MALRD1: variants seen among roughly 807,000 people sequenced by gnomAD.
MALRD1 encodes the protein MAM and LDL receptor class A domain containing 1.
In MALRD1, 247 loss-of-function variants were observed where a neutral mutation model predicts 242.1. The ratio of observed to expected loss-of-function variants is 1.02; its 90% CI spans 0.92 to 1.13. The LOEUF (loss-of-function observed/expected upper bound fraction) is 1.13. Ranked by LOEUF, MALRD1 falls within the 50% of genes most tolerant of loss-of-function variation. MALRD1 has a pLI of 0.00. For synonymous variants in MALRD1, 995 were observed against 866.6 expected, an observed-to-expected ratio of 1.15 and a Z score of -2.60; for missense variants, 2,989 against 2,533.1, an observed-to-expected ratio of 1.18 and a Z score of -3.86.
chr10:19,397,773 A>T (rs1846649788), intron 28 of MALRD1, among the ~76,000 whole-genome samples: 1 of 152,040 alleles, frequency 6.6e-6, no homozygotes, highest in African/African-American at 2.4e-5. Flanking sequence ...GTTGTCTGTG[A>T]ATTTGAGGTC....
At chr10:19,455,474 T>A (rs761137466) in intron 29 of MALRD1, among the ~76,000 whole-genome samples, 1 of 152,230 alleles carries the variant, frequency 6.6e-6, no homozygotes, top group Non-Finnish European at 1.5e-5. Flanking sequence ...TGCTATCTGC[T>A]GTATGATTTT....
chr10:19,575,267 C>A (rs1836752058), intron 33 of MALRD1, among the ~76,000 whole-genome samples: 3 of 152,126 alleles, frequency 2.0e-5, no homozygotes, highest in Admixed American at 2.0e-4. Flanking sequence ...TAAACAAACC[C>A]CCAGTTTGTG....
Position 19,324,105 on chromosome 10 carries a change from G to A in MALRD1, c.3576G>A (p.Gln1192=). The change falls in exon 22 of 40, where the codon CAG becomes CAA. Residue 1192 remains glutamine, a splice_region_variant and synonymous_variant. Coordinates refer to ENST00000454679, the MANE Select transcript of MALRD1 (RefSeq NM_001142308.3). ...ATGGGGCCACCGTTGGTTCTCTCCA[G>A]GTACTGCTTAGGCAATCACATTTTC... ...HMNGATVGSL[Q]VLIKKDNVTS... is the part of the protein sequence containing the mutation. 6.5e-7 allele frequency: 1 copy of A among 1,549,882 alleles called. No homozygotes were observed. The highest frequency in any genetic ancestry group is 8.7e-7 in the Non-Finnish European group (1 of 1,146,582).
At chr10:19,162,120 T>G (rs1834457816) in intron 12 of MALRD1, among the ~76,000 whole-genome samples, 4 of 152,240 alleles carry the variant, frequency 2.6e-5, no homozygotes, top group Admixed American at 1.3e-4. Flanking sequence ...TTTTAATTAA[T>G]TTAAATAAAA....
Position 19,719,223 on chromosome 10 carries a change from CATAT to C in MALRD1, c.6315-11450_6315-11447del, listed in dbSNP as rs368394538. Among the ~76,000 whole-genome samples the C allele has an allele frequency of 2.6e-3, 202 of 76,418 alleles. 4 individuals are homozygous for C. The highest frequency in any genetic ancestry group is 6.0e-3 in the South Asian group (15 of 2,518). The allele number at this position is 76,418 out of a possible 152,430, so 50.1% of individuals were successfully genotyped here. A position where few individuals can be genotyped will look rare whatever the true frequency, so the allele number is the denominator to read the frequency against. ...ATATATATATATATACACATACATA[CATAT>C]ATATATATATATATATATATATATA... is the stretch of plus-strand genomic sequence containing the variant. On this transcript the variant is annotated intron_variant, in intron 38 of 39. Coordinates refer to ENST00000454679, the MANE Select transcript of MALRD1 (RefSeq NM_001142308.3).
At chr10:19,568,929 T>G (rs1414498677) in intron 33 of MALRD1, among the ~76,000 whole-genome samples, 1 of 152,150 alleles carries the variant, frequency 6.6e-6, no homozygotes, top group Non-Finnish European at 1.5e-5. Context: ...TCGGCACACC[T>G]CTGTAGATTC....
intron 32 of MALRD1, among the ~76,000 whole-genome samples, chr10:19,549,410 C>A (rs1178694125): frequency 1.3e-5 from 2 of 152,146 alleles, no homozygotes; most frequent in African/African-American, 2.4e-5. Flanking sequence ...GTGCAGCAAA[C>A]TTATTGTCTT....
At chr10:19,107,878 TA>T (rs1454628232) in intron 5 of MALRD1, among the ~76,000 whole-genome samples, 1 of 152,142 alleles carries the variant, frequency 6.6e-6, no homozygotes, top group East Asian at 1.9e-4. Flanking sequence ...GATAACAACT[TA>T]AATTTGGTTG....
intron 14 of MALRD1, among the ~76,000 whole-genome samples, chr10:19,187,070 A>G (rs1425161810): frequency 6.6e-6 from 1 of 152,166 alleles, no homozygotes; most frequent in Non-Finnish European, 1.5e-5. Flanking sequence ...CCACATAATA[A>G]TTTAGTTAAT....
chr10:19,601,020 G>C (rs1449275162), intron 34 of MALRD1, among the ~76,000 whole-genome samples: 2 of 152,038 alleles, frequency 1.3e-5, no homozygotes, highest in African/African-American at 4.8e-5. Flanking sequence ...AAGCAGCACA[G>C]GCATGCTCCA....
At chr10:19,056,688 C>T (rs1222960705) in intron 1 of MALRD1, among the ~76,000 whole-genome samples, 1 of 151,968 alleles carries the variant, frequency 6.6e-6, no homozygotes, top group Non-Finnish European at 1.5e-5. Flanking sequence ...TTTCTCTTGC[C>T]TAAATATTCT....
chr10:19,283,658 G>A (rs532718680), intron 21 of MALRD1, among the ~76,000 whole-genome samples: 1 of 152,120 alleles, frequency 6.6e-6, no homozygotes, highest in South Asian at 2.1e-4. Flanking sequence ...TAAATGTGCA[G>A]ATTTTCAACA....
intron 26 of MALRD1, among the ~76,000 whole-genome samples, chr10:19,366,848 C>T (rs748446169): frequency 6.6e-6 from 1 of 152,078 alleles, no homozygotes; most frequent in Non-Finnish European, 1.5e-5. Flanking sequence ...TTTATAATCT[C>T]ACTGGCAAAT....
chr10:19,461,428 A>G lies in MALRD1; in HGVS notation c.5029+10938A>G, dbSNP rs187665625. On this transcript the variant is annotated intron_variant, in intron 29 of 39. Transcript: ENST00000454679. Reference sequence around the variant, plus strand: ...TAATGATAATTTCTTGGAAATCTCTATGTTAACTAGATTTACTCTAACTGC... The same window carrying G: ...TAATGATAATTTCTTGGAAATCTCTGTGTTAACTAGATTTACTCTAACTGC... Among the ~76,000 whole-genome samples, 55 of 152,320 alleles carry G rather than the reference A, an allele frequency of 3.6e-4. 1 individual carries two copies. The highest frequency in any genetic ancestry group is 6.8e-3 in the Middle Eastern group (2 of 294).
At chr10:19,530,904 G>C (rs988186919) in intron 31 of MALRD1, among the ~76,000 whole-genome samples, 26 of 152,132 alleles carry the variant, frequency 1.7e-4, no homozygotes, top group Non-Finnish European at 2.9e-4. Context: ...AATCTGACAG[G>C]TTTAAGCAAA....
intron 14 of MALRD1, among the ~76,000 whole-genome samples, chr10:19,179,866 A>G (rs112532529): frequency 8.7e-4 from 133 of 152,102 alleles, no homozygotes; most frequent in African/African-American, 3.2e-3. Context: ...ATATTTTTCC[A>G]CCTTTAAGAG....
intron 31 of MALRD1, among the ~76,000 whole-genome samples, chr10:19,514,169 T>A (rs999982217): frequency 1.3e-5 from 2 of 152,212 alleles, no homozygotes; most frequent in Non-Finnish European, 2.9e-5. Flanking sequence ...TTTATTATAG[T>A]GCAACTGGCA....
intron 38 of MALRD1, among the ~76,000 whole-genome samples, chr10:19,704,452 G>C (rs1337933331): frequency 2.0e-5 from 3 of 152,176 alleles, no homozygotes; most frequent in Non-Finnish European, 4.4e-5. Context: ...AAGGGCATGA[G>C]GGGGCCATCA....
intron 28 of MALRD1, among the ~76,000 whole-genome samples, chr10:19,423,536 G>A (rs978629390): frequency 1.3e-5 from 2 of 151,964 alleles, no homozygotes; most frequent in South Asian, 2.1e-4. Context: ...ACATTAAGCC[G>A]TGAGTCACTC....
Sources: gnomAD v4.1 joint callset for allele counts (sites outside exome capture counted in the v4.1 genomes callset) on GRCh38, gnomAD v4.1.1 for gene constraint, MANE v1.5 for transcripts, NCBI Gene and HGNC (gene_info 2026-07-23, HGNC 2026-07-21) for gene names.